Variants in HCN1 observed in about 807,000 individuals in gnomAD.
HCN1 encodes the protein potassium/sodium hyperpolarization-activated cyclic nucleotide-gated channel 1.
Under a neutral mutation model 78.9 loss-of-function variants are expected in HCN1, and 13 were observed. The observed-to-expected ratio is 0.16, with a 90% confidence interval of 0.11 to 0.26. The LOEUF is 0.26. HCN1 is among the 10% of genes least tolerant of loss of function. HCN1 has a pLI of 1.00. For missense variants in HCN1, 810 were observed against 1,154.3 expected, an observed-to-expected ratio of 0.70 and a Z score of 4.32; for synonymous variants, 552 against 455.5, an observed-to-expected ratio of 1.21 and a Z score of -2.70.
At chr5:45,372,804 CT>C (rs1287123789) in intron 4 of HCN1, among the ~76,000 whole-genome samples, 1 of 140,314 alleles carries the variant, frequency 7.1e-6, no homozygotes, top group Non-Finnish European at 1.5e-5. Context: ...TTTACGTATT[CT>C]ATACACAAAT....
At chr5:45,306,789 T>C (rs1447778590) in intron 5 of HCN1, among the ~76,000 whole-genome samples, 3 of 152,096 alleles carry the variant, frequency 2.0e-5, no homozygotes, top group Non-Finnish European at 2.9e-5. Flanking sequence ...TAATTAGCTC[T>C]TTTTATCAAA....
chr5:45,318,083 A>T (rs906022492), intron 5 of HCN1, among the ~76,000 whole-genome samples: 6 of 152,232 alleles, frequency 3.9e-5, no homozygotes, highest in Non-Finnish European at 5.9e-5. Context: ...TCAAAGGATT[A>T]TAAATCATGC....
intron 5 of HCN1, among the ~76,000 whole-genome samples, chr5:45,335,736 G>A (rs930439231): frequency 1.3e-5 from 2 of 152,060 alleles, no homozygotes; most frequent in African/African-American, 4.8e-5. Context: ...CTATGTGCCA[G>A]GCACTTTTCT....
intron 2 of HCN1, among the ~76,000 whole-genome samples, chr5:45,525,840 G>A (rs576953258): frequency 6.6e-6 from 1 of 152,088 alleles, no homozygotes; most frequent in Admixed American, 6.6e-5. Context: ...TTCATGTGTT[G>A]GGGCCCTAAC....
At chr5:45,429,350 T>C (rs774314714) in intron 3 of HCN1, among the ~76,000 whole-genome samples, 1 of 152,124 alleles carries the variant, frequency 6.6e-6, no homozygotes, top group Non-Finnish European at 1.5e-5. Context: ...TTCAGCTTTA[T>C]ATGGGGGCTT....
chr5:45,330,687 G>A (rs1228057926), intron 5 of HCN1, among the ~76,000 whole-genome samples: 2 of 150,742 alleles, frequency 1.3e-5, no homozygotes, highest in Non-Finnish European at 3.0e-5. Flanking sequence ...AGATAGCTTT[G>A]CAAGAAATTC....
At chr5:45,658,340 T>G (rs557039109) in intron 1 of HCN1, among the ~76,000 whole-genome samples, 1 of 152,310 alleles carries the variant, frequency 6.6e-6, no homozygotes, top group South Asian at 2.1e-4. Flanking sequence ...AAGGACTTCA[T>G]GTCTAAAACA....
intron 2 of HCN1, among the ~76,000 whole-genome samples, chr5:45,567,699 T>C (rs1743738280): frequency 1.3e-5 from 2 of 151,596 alleles, no homozygotes; most frequent in African/African-American, 2.4e-5. Flanking sequence ...TGACCAAAAA[T>C]AGTCCTCATC....
At chr5:45,389,198 C>A (rs987540306) in intron 4 of HCN1, among the ~76,000 whole-genome samples, 2 of 152,090 alleles carry the variant, frequency 1.3e-5, no homozygotes, top group African/African-American at 4.8e-5. Flanking sequence ...TCTAGCTACA[C>A]TTTCTATCTG....
chr5:45,573,736 A>G (rs1227034602), intron 2 of HCN1, among the ~76,000 whole-genome samples: 1 of 152,116 alleles, frequency 6.6e-6, no homozygotes, highest in Admixed American at 6.6e-5. Context: ...GATACCTATT[A>G]TTACTGACTG....
At chr5:45,648,213 C>T (rs1745586797) in intron 1 of HCN1, among the ~76,000 whole-genome samples, 5 of 152,270 alleles carry the variant, frequency 3.3e-5, no homozygotes, top group Middle Eastern at 3.4e-3. Context: ...GAAAAATACT[C>T]ATTTCTACAG....
intron 3 of HCN1, among the ~76,000 whole-genome samples, chr5:45,445,046 T>A (rs185034424): frequency 6.6e-4 from 100 of 152,246 alleles, no homozygotes; most frequent in Admixed American, 1.8e-3. Flanking sequence ...GGACAGTGGG[T>A]GCAGCGCACC....
rs1404909157 is a variant in HCN1 at position 45,260,465 on chromosome 5, C to CA, written c.*1455dup. On this transcript the variant is annotated 3_prime_UTR_variant, in exon 8 of 8. Coordinates refer to ENST00000303230, the MANE Select transcript of HCN1 (RefSeq NM_021072.4). ...CAACTTTACCCCTGCTTTCTGTCACCATGTCTGTACTATTTTCAACACATT... is the reference window on the plus strand; with the variant it reads ...CAACTTTACCCCTGCTTTCTGTCACCAATGTCTGTACTATTTTCAACACATT... 6.6e-6 allele frequency: 1 copy of CA among 152,148 alleles called. No individual in the cohort carries two copies. Among genetic ancestry groups the CA allele is most frequent in the African/African-American group, 2.4e-5 (1 of 41,428 alleles). 9.4% of individuals were successfully genotyped at this position (152,148 alleles called of 1,614,324 possible). A position where few individuals can be genotyped will look rare whatever the true frequency, so the allele number is the denominator to read the frequency against.
chr5:45,271,410 T>G (rs1372017123), intron 6 of HCN1, among the ~76,000 whole-genome samples: 2 of 143,884 alleles, frequency 1.4e-5, no homozygotes, highest in East Asian at 2.0e-4. Flanking sequence ...ACAGACACAG[T>G]TGCTTGGGCT....
At chr5:45,315,221 A>G (rs987661031) in intron 5 of HCN1, among the ~76,000 whole-genome samples, 1 of 152,224 alleles carries the variant, frequency 6.6e-6, no homozygotes, top group African/African-American at 2.4e-5. Context: ...TGTCTCTCGG[A>G]CCACAGTGCA....
At chr5:45,406,624 G>A (rs1297121634) in intron 3 of HCN1, among the ~76,000 whole-genome samples, 1 of 152,034 alleles carries the variant, frequency 6.6e-6, no homozygotes, top group Non-Finnish European at 1.5e-5. Flanking sequence ...CCGTTTATAT[G>A]AGTAAAATTC....
At chr5:45,375,287 T>C (rs111217488) in intron 4 of HCN1, among the ~76,000 whole-genome samples, 5 of 119,714 alleles carry the variant, frequency 4.2e-5, no homozygotes, top group Admixed American at 1.0e-4. Flanking sequence ...ATATTATACA[T>C]AATATATTTC....
intron 5 of HCN1, among the ~76,000 whole-genome samples, chr5:45,347,531 T>C (rs1048352722): frequency 6.6e-6 from 1 of 151,958 alleles, no homozygotes; most frequent in African/African-American, 2.4e-5. Flanking sequence ...CTTTGATGAG[T>C]TGAGAGAAGA....
intron 1 of HCN1, among the ~76,000 whole-genome samples, chr5:45,692,823 GA>G (rs1344186167): frequency 6.6e-6 from 1 of 152,108 alleles, no homozygotes; most frequent in African/African-American, 2.4e-5. Context: ...AGGGAAACTA[GA>G]AACAGTGTTA....
Sources: gnomAD v4.1 joint callset for allele counts (sites outside exome capture counted in the v4.1 genomes callset) on GRCh38, gnomAD v4.1.1 for gene constraint, MANE v1.5 for transcripts, NCBI Gene and HGNC (gene_info 2026-07-23, HGNC 2026-07-21) for gene names.